Variants in WDR89 observed in about 807,000 individuals in gnomAD.
WDR89 encodes the protein WD repeat-containing protein 89.
Under a neutral mutation model 29.1 loss-of-function variants are expected in WDR89, and 17 were observed. The observed-to-expected ratio is 0.58, with a 90% CI of 0.40 to 0.88. WDR89 has a LOEUF of 0.88. Among genes scored for constraint, WDR89 ranks in the 40% least tolerant of loss-of-function variants. The probability of loss-of-function intolerance (pLI) is 0.00; values close to 1 mark genes in which losing one functional copy is unlikely to be tolerated. For missense variants in WDR89, 396 were observed against 456.3 expected (o/e 0.87, Z 1.20); for synonymous variants, 138 against 157.8 (o/e 0.87, Z 0.94).
chr14:63,629,112 C>G (rs1883245614), intron 1 of WDR89, among the ~76,000 whole-genome samples: 1 of 152,134 alleles, frequency 6.6e-6, no homozygotes, highest in Non-Finnish European at 1.5e-5. Flanking sequence ...GCAACCCAAG[C>G]TTAGTAGAAT....
At chr14:63,623,991 T>A (rs186574463) in intron 2 of WDR89, among the ~76,000 whole-genome samples, 1 of 152,166 alleles carries the variant, frequency 6.6e-6, no homozygotes, top group East Asian at 1.9e-4. Context: ...GAACAGAGAA[T>A]ATTAACTCAA....
intron 2 of WDR89, among the ~76,000 whole-genome samples, chr14:63,611,871 C>T (rs1339225339): frequency 2.0e-5 from 3 of 151,742 alleles, no homozygotes; most frequent in Non-Finnish European, 4.4e-5. Flanking sequence ...GGATTATAGA[C>T]GTGCACCACC....
intron 1 of WDR89, among the ~76,000 whole-genome samples, chr14:63,639,915 G>A (rs1158687495): frequency 6.6e-6 from 1 of 152,158 alleles, no homozygotes; most frequent in African/African-American, 2.4e-5. Flanking sequence ...TCAGAAGTTC[G>A]AGGCTGCAGT....
chr14:63,618,676 A>C (rs181843371), intron 2 of WDR89, among the ~76,000 whole-genome samples: 73 of 152,250 alleles, frequency 4.8e-4, no homozygotes, highest in Non-Finnish European at 1.5e-5. Context: ...AGAAAGAAAA[A>C]TAGAAAAGAA....
At chr14:63,610,219 T>TAAA (rs56984803) in intron 2 of WDR89, among the ~76,000 whole-genome samples, 24 of 65,302 alleles carry the variant, frequency 3.7e-4, no homozygotes, top group African/African-American at 1.1e-3. Flanking sequence ...GACTCTGTCT[T>TAAA]AAAAAAAAAA....
chr14:63,638,273 GC>G (rs542876950), intron 1 of WDR89, among the ~76,000 whole-genome samples: 2 of 151,926 alleles, frequency 1.3e-5, no homozygotes, highest in East Asian at 1.9e-4. Flanking sequence ...AAAAGTCACT[GC>G]CCCCCCAAAA....
intron 2 of WDR89, among the ~76,000 whole-genome samples, chr14:63,616,805 T>C (rs1459375332): frequency 6.6e-6 from 1 of 152,164 alleles, no homozygotes; most frequent in Admixed American, 6.6e-5. Context: ...TGAGAATGGG[T>C]TCCTTGGGCT....
At chr14:63,626,269 AGG>A (rs763750914) in intron 1 of WDR89, among the ~76,000 whole-genome samples, 4 of 152,212 alleles carry the variant, frequency 2.6e-5, no homozygotes, top group Admixed American at 6.5e-5. Flanking sequence ...ACACTATCAA[AGG>A]TTAATACCCT....
At chr14:63,605,118 C>T (rs955000082) in intron 2 of WDR89, among the ~76,000 whole-genome samples, 1 of 151,928 alleles carries the variant, frequency 6.6e-6, no homozygotes, top group African/African-American at 2.4e-5. Context: ...CACTGCACTT[C>T]AGCCTCGGCG....
chr14:63,641,601 C>T (rs1595045533), intron 1 of WDR89, among the ~76,000 whole-genome samples: 3 of 152,378 alleles, frequency 2.0e-5, no homozygotes, highest in African/African-American at 7.2e-5. Context: ...TGGCCAGGGC[C>T]AGCACAGGTT....
rs1269094370 is a variant in WDR89, at chr14:63,608,659, G to GGTGC, written c.-31-8690_-31-8687dup. 1.2e-4 allele frequency among the ~76,000 whole-genome samples: 16 copies of GGTGC among 137,826 alleles called. No individual in the cohort carries two copies. The South Asian group carries it at 3.2e-3, about 27-fold the overall frequency. The allele number at this position is 137,826 out of a possible 152,430, so 90.4% of individuals were successfully genotyped here. A position where few individuals can be genotyped will look rare whatever the true frequency, so the allele number is the denominator to read the frequency against. ...TATCTCAACAAAAACCAGCCAGTGT[G>GGTGC]GTGCATGCACACACACACACACACA... On this transcript the variant is annotated intron_variant, in intron 2 of 2. Transcript: ENST00000620954.
intron 1 of WDR89, among the ~76,000 whole-genome samples, chr14:63,636,640 A>G (rs1197010963): frequency 6.6e-6 from 1 of 152,208 alleles, no homozygotes; most frequent in African/African-American, 2.4e-5. Context: ...ATCTTCGACA[A>G]AGCAAACAAA....
intron 2 of WDR89, chr14:63,601,660 G>A (rs1189320605): frequency 1.2e-6 from 2 of 1,612,948 alleles, no homozygotes; most frequent in Non-Finnish European, 1.7e-6. Flanking sequence ...GTTGGATCGG[G>A]TTCTAAAGGA....
chr14:63,633,672 T>C (rs1883545706), intron 1 of WDR89, among the ~76,000 whole-genome samples: 1 of 152,232 alleles, frequency 6.6e-6, no homozygotes, highest in African/African-American at 2.4e-5. Flanking sequence ...CTAGTTCTTT[T>C]AACCACTTTG....
At chr14:63,611,854 G>A (rs1277656570) in intron 2 of WDR89, among the ~76,000 whole-genome samples, 1 of 151,788 alleles carries the variant, frequency 6.6e-6, no homozygotes, top group Non-Finnish European at 1.5e-5. Context: ...AGCCTCCCGA[G>A]TAGCTGGGAT....
intron 1 of WDR89, among the ~76,000 whole-genome samples, chr14:63,625,729 A>G (rs1882992474): frequency 6.6e-6 from 1 of 152,202 alleles, no homozygotes; most frequent in African/African-American, 2.4e-5. Context: ...TAGACCTTAC[A>G]GTAGTTATAT....
chr14:63,641,313 A>G (rs925650061), intron 1 of WDR89: 4 of 152,198 alleles, frequency 2.6e-5, no homozygotes, highest in African/African-American at 9.7e-5. Flanking sequence ...TTAGATAGCC[A>G]TGTGGTTTAA....
chr14:63,633,723 A>C (rs1242853746), intron 1 of WDR89, among the ~76,000 whole-genome samples: 1 of 152,200 alleles, frequency 6.6e-6, no homozygotes, highest in Non-Finnish European at 1.5e-5. Context: ...TAAGTTCTAA[A>C]CTCATTTCCT....
intron 2 of WDR89, among the ~76,000 whole-genome samples, chr14:63,616,666 G>A (rs374395864): frequency 6.6e-6 from 1 of 152,246 alleles, no homozygotes; most frequent in South Asian, 2.1e-4. Context: ...AAGAAAGAAG[G>A]GTGTAGAAAA....
Sources: allele counts gnomAD v4.1 joint callset (sites outside exome capture counted in the v4.1 genomes callset), GRCh38; gene constraint gnomAD v4.1.1; transcripts MANE v1.5; gene names NCBI Gene and HGNC (gene_info 2026-07-23, HGNC 2026-07-21).